The following RAPGEF2 variants were observed in gnomAD, a reference collection of about 807,000 sequenced individuals.
RAPGEF2 encodes PDZ domain containing guanine nucleotide exchange factor (GEF) 1.
Under a neutral mutation model 186.7 loss-of-function variants are expected in RAPGEF2, and 54 were observed. The observed-to-expected ratio is 0.29, with a 90% CI of 0.23 to 0.36. The LOEUF (loss-of-function observed/expected upper bound fraction) is 0.36, where lower values mean the gene tolerates loss of function less well. Ranked by LOEUF, RAPGEF2 falls within the 10% of genes least tolerant of loss-of-function variation. The pLI is 1.00. For missense variants in RAPGEF2, 1,532 were observed against 2,045.0 expected (o/e 0.75, Z 4.84); for synonymous variants, 712 against 705.9 (o/e 1.01, Z -0.14).
At chr4:159,286,201 T>G (rs1053382330) in intron 7 of RAPGEF2, among the ~76,000 whole-genome samples, 3 of 152,082 alleles carry the variant, frequency 2.0e-5, no homozygotes, top group African/African-American at 7.2e-5. Flanking sequence ...CCCAAACCTA[T>G]GGATTATCTT....
At chr4:159,295,746 T>TGC (rs1379863528) in intron 7 of RAPGEF2, among the ~76,000 whole-genome samples, 10 of 125,566 alleles carry the variant, frequency 8.0e-5, no homozygotes, top group African/African-American at 1.7e-4. Flanking sequence ...TGTGTGTGTG[T>TGC]GTGTGTGTGC....
At chr4:159,179,393 C>T (rs1249983896) in intron 1 of RAPGEF2, among the ~76,000 whole-genome samples, 1 of 152,004 alleles carries the variant, frequency 6.6e-6, no homozygotes, top group African/African-American at 2.4e-5. Context: ...TTGAAATTTC[C>T]TTCTATGAAT....
chr4:159,210,806 ATGTGCATTTGT>A (rs769938992), intron 4 of RAPGEF2, among the ~76,000 whole-genome samples: 23 of 152,220 alleles, frequency 1.5e-4, no homozygotes, highest in Non-Finnish European at 2.6e-4. Context: ...TGCTGATGAC[ATGTGCATTTGT>A]TACATGATCA....
intron 1 of RAPGEF2, among the ~76,000 whole-genome samples, chr4:159,143,779 T>C (rs146365592): frequency 1.2e-3 from 190 of 152,328 alleles, no homozygotes; most frequent in African/African-American, 4.3e-3. Context: ...ATGTTTTCTC[T>C]GACTCTGAGC....
chr4:159,338,628 A>G (rs1767809419), intron 18 of RAPGEF2, among the ~76,000 whole-genome samples, 160 bp downstream of exon 18: 1 of 152,220 alleles, frequency 6.6e-6, no homozygotes, highest in Non-Finnish European at 1.5e-5. Flanking sequence ...CAGGTGTTGG[A>G]ACCAGTTCTC....
intron 1 of RAPGEF2, among the ~76,000 whole-genome samples, chr4:159,105,779 G>A (rs928395992): frequency 6.6e-6 from 1 of 152,202 alleles, no homozygotes; most frequent in African/African-American, 2.4e-5. Flanking sequence ...AGATTTCAGT[G>A]AGATATTTCA....
intron 7 of RAPGEF2, among the ~76,000 whole-genome samples, chr4:159,245,330 G>T (rs1157346091): frequency 2.0e-5 from 3 of 151,976 alleles, no homozygotes; most frequent in African/African-American, 7.2e-5. Flanking sequence ...GCTTTCATTA[G>T]CATTTTCTTA....
rs80125955 is a variant in RAPGEF2, at chr4:159,242,932, G to A, written c.526-842G>A. Reference sequence around the variant, plus strand: ...GGATTATTTAAAATGTAGCGTTAAAGTTGGTTTGTTTGTTCTTATAGTCAT... The same window carrying A: ...GGATTATTTAAAATGTAGCGTTAAAATTGGTTTGTTTGTTCTTATAGTCAT... On this transcript the variant is annotated intron_variant, in intron 6 of 29. Transcript: ENST00000691494. Among the ~76,000 whole-genome samples, 508 of 152,022 alleles carry A rather than the reference G, an allele frequency of 3.3e-3. 4 individuals carry two copies. The highest frequency in any genetic ancestry group is 0.012 in the African/African-American group (490 of 41,514).
chr4:159,283,701 G>A (rs1410803356), intron 7 of RAPGEF2, among the ~76,000 whole-genome samples: 1 of 152,090 alleles, frequency 6.6e-6, no homozygotes, highest in African/African-American at 2.4e-5. Flanking sequence ...TATATTGAAG[G>A]ATCAAACAAG....
intron 10 of RAPGEF2, among the ~76,000 whole-genome samples, chr4:159,322,927 A>G (rs1269585004): frequency 6.6e-6 from 1 of 152,186 alleles, no homozygotes. Flanking sequence ...TTCCCACAAC[A>G]CATGGGAATT....
chr4:159,146,413 G>T (rs537103121), intron 1 of RAPGEF2, among the ~76,000 whole-genome samples: 2 of 151,048 alleles, frequency 1.3e-5, no homozygotes, highest in Admixed American at 1.3e-4. Flanking sequence ...ATAGTTCCTG[G>T]TAAGTTATAA....
chr4:159,302,624 CTTCTATCTTTGAAT>C (rs1312201522), intron 7 of RAPGEF2, among the ~76,000 whole-genome samples: 1 of 152,156 alleles, frequency 6.6e-6, no homozygotes, highest in Non-Finnish European at 1.5e-5. Flanking sequence ...TATCTGCAAA[CTTCTATCTTTGAAT>C]TGTTCCTGAA....
At chr4:159,202,863 A>T (rs1461620095) in intron 3 of RAPGEF2, among the ~76,000 whole-genome samples, 1 of 152,066 alleles carries the variant, frequency 6.6e-6, no homozygotes, top group Non-Finnish European at 1.5e-5. Context: ...CTGCCTCCTA[A>T]AGTGCTGGGA....
intron 7 of RAPGEF2, among the ~76,000 whole-genome samples, chr4:159,303,292 G>A (rs1281920023): frequency 1.3e-5 from 2 of 152,060 alleles, no homozygotes; most frequent in African/African-American, 4.8e-5. Flanking sequence ...CTCAAAAGGT[G>A]GACGGGAATA....
intron 3 of RAPGEF2, among the ~76,000 whole-genome samples, chr4:159,194,450 A>G (rs1393244048): frequency 4.6e-5 from 7 of 152,114 alleles, no homozygotes; most frequent in Non-Finnish European, 7.4e-5. Context: ...CAGACCCCCA[A>G]ATACTCATTG....
chr4:159,169,125 T>C (rs1024344379), intron 1 of RAPGEF2, among the ~76,000 whole-genome samples: 1 of 152,186 alleles, frequency 6.6e-6, no homozygotes, highest in African/African-American at 2.4e-5. Context: ...TACTTTGAAT[T>C]GACCAGTGAA....
intron 1 of RAPGEF2, among the ~76,000 whole-genome samples, chr4:159,105,709 G>C (rs1011411516): frequency 2.6e-5 from 4 of 152,180 alleles, no homozygotes; most frequent in African/African-American, 9.7e-5. Flanking sequence ...AAAATGGTCA[G>C]TTGGATCAGT....
At chr4:159,350,626 G>C (rs1731044063) in intron 26 of RAPGEF2, among the ~76,000 whole-genome samples, 1 of 152,108 alleles carries the variant, frequency 6.6e-6, no homozygotes, top group Non-Finnish European at 1.5e-5. Flanking sequence ...ACAGAGAAGA[G>C]GGCTTTGAAA....
chr4:159,265,700 T>C (rs748863977), intron 7 of RAPGEF2, among the ~76,000 whole-genome samples: 1 of 152,170 alleles, frequency 6.6e-6, no homozygotes, highest in Admixed American at 6.5e-5. Context: ...TTATAAGATA[T>C]CAGGAGGTGG....
Sources: allele counts gnomAD v4.1 joint callset (sites outside exome capture counted in the v4.1 genomes callset), GRCh38; gene constraint gnomAD v4.1.1; transcripts MANE v1.5; gene names NCBI Gene and HGNC (gene_info 2026-07-23, HGNC 2026-07-21).